ABL2: variants seen among roughly 807,000 people sequenced by gnomAD.
ABL2 encodes tyrosine-protein kinase ABL2.
In ABL2, 49 loss-of-function variants were observed where a neutral mutation model predicts 107.7. That is an observed-to-expected ratio of 0.45 (90% CI 0.36 to 0.58). The LOEUF is 0.58. ABL2 is among the 20% of genes least tolerant of loss of function. The pLI, the probability that ABL2 is intolerant of heterozygous loss-of-function variation, is 0.00. For missense variants in ABL2, 1,245 were observed against 1,457.0 expected (o/e 0.85, Z 2.37); for synonymous variants, 549 against 548.6 (o/e 1.00, Z -0.01).
At chr1:179,149,188 G>T (rs1297569392) in intron 1 of ABL2, among the ~76,000 whole-genome samples, 2 of 152,208 alleles carry the variant, frequency 1.3e-5, no homozygotes, top group African/African-American at 2.4e-5. Flanking sequence ...CTGCTGATAT[G>T]GAGAAAATTT....
At chr1:179,121,992 C>G in intron 4 of ABL2, 125 bp from the exon 5 acceptor site, 1 of 915,170 alleles carries the variant, frequency 1.1e-6, no homozygotes, top group Non-Finnish European at 1.5e-6. Flanking sequence ...CTGGCGCGAT[C>G]TCGGCTCACT....
At chr1:179,214,233 T>C (rs1256817257) in intron 1 of ABL2, among the ~76,000 whole-genome samples, 1 of 152,054 alleles carries the variant, frequency 6.6e-6, no homozygotes, top group East Asian at 1.9e-4. Context: ...GGCAAAGGGA[T>C]GTCATGTTCT....
At chr1:179,211,296 T>C (rs963012177) in intron 1 of ABL2, among the ~76,000 whole-genome samples, 7 of 152,102 alleles carry the variant, frequency 4.6e-5, no homozygotes, top group African/African-American at 9.7e-5. Flanking sequence ...GGCGGGAGAA[T>C]TGCTTTGAGC....
At chr1:179,178,884 A>G (rs1452287790) in intron 1 of ABL2, among the ~76,000 whole-genome samples, 1 of 152,082 alleles carries the variant, frequency 6.6e-6, no homozygotes, top group African/African-American at 2.4e-5. Context: ...CAGCCTGGGC[A>G]ACAGAGCAAG....
At chr1:179,172,932 G>T (rs1413174695) in intron 1 of ABL2, among the ~76,000 whole-genome samples, 1 of 152,184 alleles carries the variant, frequency 6.6e-6, no homozygotes, top group South Asian at 2.1e-4. Flanking sequence ...GCTCACGCTT[G>T]TAATCCCAGC....
Position 179,178,927 on chromosome 1 carries a change from A to G in ABL2, c.158-45553T>C, listed in dbSNP as rs185970243. Among the ~76,000 whole-genome samples the G allele has an allele frequency of 1.5e-3, 222 of 152,304 alleles. 1 individual carries two copies. The highest frequency in any genetic ancestry group is 2.8e-3 in the Non-Finnish European group (191 of 68,020). On this transcript the variant is annotated intron_variant, in intron 1 of 11. Transcript: ENST00000502732. ...CTCAAGAAAAGGAAGAACATCTAAA[A>G]TAAAGCCTTCTTATAGGAACAAATA...
At chr1:179,166,079 G>A (rs983969372) in intron 1 of ABL2, among the ~76,000 whole-genome samples, 1 of 152,144 alleles carries the variant, frequency 6.6e-6, no homozygotes, top group Non-Finnish European at 1.5e-5. Flanking sequence ...TTACAGGCAT[G>A]AGCCACCACA....
At chr1:179,117,225 A>G (rs2102611052) in intron 8 of ABL2, 107 bp downstream of exon 8, 1 of 1,079,146 alleles carries the variant, frequency 9.3e-7, no homozygotes, top group Non-Finnish European at 1.4e-6. Context: ...GAAGAATGGC[A>G]GGTAAAGGTA....
intron 9 of ABL2, among the ~76,000 whole-genome samples, chr1:179,113,050 A>C (rs529668821): frequency 1.3e-5 from 2 of 152,088 alleles, no homozygotes; most frequent in South Asian, 4.2e-4. Context: ...CACTGCACCC[A>C]GCCAAAGTGA....
chr1:179,222,596 G>C (rs1412158260), intron 1 of ABL2, among the ~76,000 whole-genome samples: 1 of 151,896 alleles, frequency 6.6e-6, no homozygotes, highest in Non-Finnish European at 1.5e-5. Flanking sequence ...TCACCATGTT[G>C]GCCAGGATGG....
At chr1:179,138,760 C>T (rs550322656) in intron 1 of ABL2, among the ~76,000 whole-genome samples, 2 of 152,340 alleles carry the variant, frequency 1.3e-5, no homozygotes, top group South Asian at 2.1e-4. Flanking sequence ...CCCTTCAGCG[C>T]ACCGCTGCAC....
rs1250824706 is a variant in ABL2, at chr1:179,101,399, A to T, written c.*6319T>A. The T allele has an allele frequency of 5.6e-6, 1 of 179,536 alleles. No homozygotes were observed. Among genetic ancestry groups the T allele is most frequent in the Non-Finnish European group, 1.2e-5 (1 of 85,446 alleles). 11.1% of individuals were successfully genotyped at this position (179,536 alleles called of 1,614,324 possible). A position where few individuals can be genotyped will look rare whatever the true frequency, so the allele number is the denominator to read the frequency against. On this transcript the variant is annotated 3_prime_UTR_variant, in exon 12 of 12. Coordinates refer to ENST00000502732, the MANE Select transcript of ABL2 (RefSeq NM_007314.4). ...ATCCTTTTTTTTTTTTTTCTTCTTA[A>T]CGTGTCTCACTCTGTCACTTAGGCT...
intron 1 of ABL2, among the ~76,000 whole-genome samples, chr1:179,175,006 T>C (rs1470883046): frequency 6.6e-6 from 1 of 151,322 alleles, no homozygotes; most frequent in Non-Finnish European, 1.5e-5. Context: ...TATCCCCTGA[T>C]CTTTTAGTGT....
chr1:179,226,420 T>G (rs1663216373), intron 1 of ABL2, among the ~76,000 whole-genome samples: 2 of 151,038 alleles, frequency 1.3e-5, no homozygotes, highest in Admixed American at 6.6e-5. Flanking sequence ...GCGATTCTCC[T>G]GTCTCAGCCT....
At chr1:179,130,308 T>G (rs573758150) in intron 3 of ABL2, among the ~76,000 whole-genome samples, 4 of 152,378 alleles carry the variant, frequency 2.6e-5, no homozygotes, top group African/African-American at 9.6e-5. Flanking sequence ...ACTCAGAATG[T>G]CTGCGAACTT....
rs566169964 is a variant in ABL2, at chr1:179,106,570, G to A, written c.*1148C>T. On this transcript the variant is annotated 3_prime_UTR_variant, in exon 12 of 12. Coordinates refer to ENST00000502732, the MANE Select transcript of ABL2 (RefSeq NM_007314.4). ...ATTCACTTCAAATCCATAGAGAGGAGAATGCCTCTCCCTATTCTCTACCTG... is the reference window on the plus strand; with the variant it reads ...ATTCACTTCAAATCCATAGAGAGGAAAATGCCTCTCCCTATTCTCTACCTG... The A allele has an allele frequency of 1.3e-5, 3 of 233,070 alleles. No homozygotes were observed. Among genetic ancestry groups the A allele is most frequent in the South Asian group, 3.6e-4 (2 of 5,528 alleles). The allele number at this position is 233,070 out of a possible 1,614,324, so 14.4% of individuals were successfully genotyped here.
Position 179,107,850 on chromosome 1 carries a change from A to G in ABL2, c.3417T>C (p.Ala1139=). 1.2e-6 allele frequency: 2 copies of G among 1,614,214 alleles called. No homozygotes were observed. The highest frequency in any genetic ancestry group is 1.7e-6 in the Non-Finnish European group (2 of 1,180,042). The change falls in exon 12 of 12, where the codon GCT becomes GCC. Residue 1139 remains alanine (A), a synonymous_variant. Transcript: ENST00000502732. ...GCAGGCTGAGTTCCAGTTTGCTCAC[A>G]GCCTCTCGGAAGGCAAATTTGTTGC... is the stretch of plus-strand genomic sequence containing the variant. ...QTRNKFAFRE[A]VSKLELSLQE... is the part of the protein sequence containing the mutation.
chr1:179,226,310 C>CTTTT (rs745831850), intron 1 of ABL2, among the ~76,000 whole-genome samples: 4 of 131,006 alleles, frequency 3.1e-5, no homozygotes, highest in Non-Finnish European at 4.9e-5. Context: ...ATTATCCCTA[C>CTTTT]TTTTTTTTTT....
chr1:179,141,643 C>T (rs1360817349), intron 1 of ABL2, among the ~76,000 whole-genome samples: 1 of 152,176 alleles, frequency 6.6e-6, no homozygotes, highest in Non-Finnish European at 1.5e-5. Flanking sequence ...CCCTTCTTCC[C>T]GTCTCTGGTT....
Sources: gnomAD v4.1 joint callset for allele counts (sites outside exome capture counted in the v4.1 genomes callset) on GRCh38, gnomAD v4.1.1 for gene constraint, MANE v1.5 for transcripts, NCBI Gene and HGNC (gene_info 2026-07-23, HGNC 2026-07-21) for gene names.